Variants in TENM3 observed in about 807,000 individuals in gnomAD.
TENM3 encodes the protein teneurin-3.
Under a neutral mutation model 255.1 loss-of-function variants are expected in TENM3, and 63 were observed. The ratio of observed to expected loss-of-function variants is 0.25; its 90% CI spans 0.20 to 0.30. The LOEUF (loss-of-function observed/expected upper bound fraction) is 0.30. TENM3 is among the 10% of genes least tolerant of loss of function. TENM3 has a pLI of 1.00. For missense variants in TENM3, 2,929 were observed against 3,461.1 expected (o/e 0.85, Z 3.86); for synonymous variants, 1,306 against 1,322.3 (o/e 0.99, Z 0.27).
chr4:182,430,395 A>G (rs1242333126), intron 3 of TENM3, among the ~76,000 whole-genome samples: 2 of 152,086 alleles, frequency 1.3e-5, no homozygotes, highest in Admixed American at 6.5e-5. Flanking sequence ...AAAAATACAC[A>G]AAATTAGCTG....
chr4:182,050,244 C>T, the TENM3 span, among the ~76,000 whole-genome samples: 3 of 152,102 alleles, frequency 2.0e-5, no homozygotes, highest in South Asian at 2.1e-4. Flanking sequence ...CCACCCACCT[C>T]GGCCTCCCAA....
At chr4:181,580,797 T>C in the TENM3 span, among the ~76,000 whole-genome samples, 1 of 152,170 alleles carries the variant, frequency 6.6e-6, no homozygotes, top group Non-Finnish European at 1.5e-5. Flanking sequence ...CCAGACTTGG[T>C]GGCCTGTCTT....
the TENM3 span, among the ~76,000 whole-genome samples, chr4:181,617,520 T>G: frequency 1.2e-4 from 18 of 152,224 alleles, no homozygotes; most frequent in African/African-American, 4.1e-4. Flanking sequence ...CCAAGGGCCA[T>G]GGTGGGAAAG....
the TENM3 span, among the ~76,000 whole-genome samples, chr4:181,541,112 G>A: frequency 6.6e-6 from 1 of 152,210 alleles, no homozygotes; most frequent in Non-Finnish European, 1.5e-5. Flanking sequence ...AGTGGCTCAT[G>A]CCTGTAATCC....
chr4:182,659,446 A>G (rs1341716194), intron 6 of TENM3, among the ~76,000 whole-genome samples: 1 of 152,186 alleles, frequency 6.6e-6, no homozygotes, highest in Non-Finnish European at 1.5e-5. Flanking sequence ...AGGAAAAAAT[A>G]TAGTATATAT....
the TENM3 span, among the ~76,000 whole-genome samples, chr4:182,014,663 T>C: frequency 6.6e-6 from 1 of 152,048 alleles, no homozygotes; most frequent in African/African-American, 2.4e-5. Context: ...GAGCTGATCC[T>C]GAGGTGAGAA....
chr4:182,286,039 G>A (rs1485519637), intron 1 of TENM3, among the ~76,000 whole-genome samples: 1 of 152,126 alleles, frequency 6.6e-6, no homozygotes, highest in Non-Finnish European at 1.5e-5. Flanking sequence ...GAGATCCATC[G>A]TGGCTTGAAC....
the TENM3 span, among the ~76,000 whole-genome samples, chr4:181,647,267 T>C: frequency 1.1e-3 from 170 of 152,274 alleles, no homozygotes; most frequent in African/African-American, 3.9e-3. Context: ...AACATACACG[T>C]TGATTTTGTT....
At chr4:182,328,028 A>G (rs1165619110) in intron 2 of TENM3, among the ~76,000 whole-genome samples, 3 of 152,220 alleles carry the variant, frequency 2.0e-5, no homozygotes, top group African/African-American at 7.2e-5. Context: ...GATGTCTGGA[A>G]GTAAGAATAC....
the TENM3 span, among the ~76,000 whole-genome samples, chr4:182,100,502 CACACATATATAT>C: frequency 5.7e-5 from 8 of 141,330 alleles, no homozygotes; most frequent in Admixed American, 1.4e-4. Context: ...TATACACACA[CACACATATATAT>C]ACACACATAT....
intron 4 of TENM3, among the ~76,000 whole-genome samples, chr4:182,602,660 A>T (rs1179984337): frequency 6.6e-6 from 1 of 152,206 alleles, no homozygotes. Flanking sequence ...GAAGAGAAAG[A>T]ACAGGAAAAA....
chr4:181,942,009 G>A, the TENM3 span, among the ~76,000 whole-genome samples: 2 of 152,168 alleles, frequency 1.3e-5, no homozygotes, highest in Admixed American at 6.5e-5. Context: ...CCTGGATAAT[G>A]GACAAAAATT....
chr4:182,402,779 A>C (rs1184165032), intron 3 of TENM3, among the ~76,000 whole-genome samples: 1 of 152,212 alleles, frequency 6.6e-6, no homozygotes, highest in Non-Finnish European at 1.5e-5. Context: ...TGAGTGTTTC[A>C]TGAGACAACT....
intron 24 of TENM3, among the ~76,000 whole-genome samples, chr4:182,788,766 A>G (rs1234662547): frequency 2.0e-5 from 3 of 152,200 alleles, no homozygotes; most frequent in Admixed American, 6.5e-5. Flanking sequence ...AGGAGCTTGG[A>G]GTCATATGAA....
chr4:182,344,783 G>A (rs1316698675), intron 2 of TENM3, among the ~76,000 whole-genome samples: 2 of 152,056 alleles, frequency 1.3e-5, no homozygotes, highest in Admixed American at 6.6e-5. Context: ...ATATCTACAC[G>A]TTTTAGAGTC....
chr4:181,656,751 A>G, the TENM3 span, among the ~76,000 whole-genome samples: 2 of 147,646 alleles, frequency 1.4e-5, no homozygotes, highest in East Asian at 4.1e-4. Context: ...AAGAAGACGT[A>G]ATAGAAAACT....
the TENM3 span, among the ~76,000 whole-genome samples, chr4:181,646,884 C>T: frequency 1.3e-5 from 2 of 152,128 alleles, no homozygotes; most frequent in Non-Finnish European, 2.9e-5. Flanking sequence ...ACTTAGGATA[C>T]ATTTTCAGTA....
At chr4:181,672,775 G>A in the TENM3 span, among the ~76,000 whole-genome samples, 670 of 152,262 alleles carry the variant, frequency 4.4e-3, 3 homozygotes, top group Non-Finnish European at 7.3e-3. Context: ...TTTGCATATA[G>A]TATAATCAAT....
At chr4:182,718,189 T>C (rs924715939) in intron 13 of TENM3, among the ~76,000 whole-genome samples, 5 of 151,962 alleles carry the variant, frequency 3.3e-5, no homozygotes, top group African/African-American at 1.2e-4. Flanking sequence ...AAAAAAAAAT[T>C]ATTAGCTTAT....
Sources: allele counts gnomAD v4.1 joint callset (sites outside exome capture counted in the v4.1 genomes callset), GRCh38; gene constraint gnomAD v4.1.1; transcripts MANE v1.5; gene names NCBI Gene and HGNC (gene_info 2026-07-23, HGNC 2026-07-21).